Variants in PRPF4 observed in about 807,000 individuals in gnomAD.
The protein encoded by PRPF4 is pre-mRNA splicing tri-snRNP complex factor PRPF4.
A neutral mutation model predicts 72.2 loss-of-function variants in PRPF4; 14 were observed. The observed-to-expected ratio is 0.19, with a 90% CI of 0.13 to 0.30. The LOEUF (loss-of-function observed/expected upper bound fraction) is 0.30. Ranked by LOEUF, PRPF4 falls within the 10% of genes least tolerant of loss-of-function variation. The probability of loss-of-function intolerance (pLI) is 1.00; values close to 1 mark genes in which losing one functional copy is unlikely to be tolerated. For missense variants in PRPF4, 478 were observed against 653.9 expected, an observed-to-expected ratio of 0.73 and a Z score of 2.93; for synonymous variants, 225 against 232.2, an observed-to-expected ratio of 0.97 and a Z score of 0.28.
rs1346962266 is a variant in PRPF4 at position 113,286,777 on chromosome 9, A to G, written c.881A>G (p.Asn294Ser). 3.1e-6 allele frequency: 5 copies of G among 1,614,056 alleles called. No homozygotes were observed. Among genetic ancestry groups the G allele is most frequent in the East Asian group, 2.2e-5 (1 of 44,892 alleles). The stretch of plus-strand genomic sequence containing the variant: ...GTCTCCTTGGACCCAAAAGATGTCA[A>G]CCTGGCCTCTTGTGCGGCTGATGGC... ...STVSLDPKDVNLASCAADGSV... is the reference protein window; with the variant it reads ...STVSLDPKDVSLASCAADGSV... The change falls in exon 9 of 14, where the codon AAC becomes AGC. Residue 294 changes from asparagine (N) to serine (S), a missense_variant. By Grantham distance (46) the Asn-to-Ser change is conservative. Transcript: ENST00000374198.
At chr9:113,281,057 GAACACCTCCTCAAGTGATCCTCTC>G (rs890289763) in intron 3 of PRPF4, among the ~76,000 whole-genome samples, 2 of 151,962 alleles carry the variant, frequency 1.3e-5, no homozygotes, top group African/African-American at 2.4e-5. Flanking sequence ...GCCAGGTGTT[GAACACCTCCTCAAGTGATCCTCTC>G]AACACCTCCT....
In PRPF4 at chr9:113,291,921, T is replaced by C. The variant is rs1832619030; in HGVS notation, c.*261T>C. ...ACTGTGTAGACATTGTTTTTATTAA[T>C]CTTTTGTTTGGCCGGGCGTGGTGGC... On this transcript the variant is annotated 3_prime_UTR_variant, in exon 14 of 14. Transcript: ENST00000374198. 3.4e-6 allele frequency: 1 copy of C among 295,338 alleles called. No individual in the cohort carries two copies. 18.3% of individuals were successfully genotyped at this position (295,338 alleles called of 1,614,324 possible). A position where few individuals can be genotyped will look rare whatever the true frequency, so the allele number is the denominator to read the frequency against.
Position 113,275,683 on chromosome 9 carries a change from G to A in PRPF4, c.-61G>A. ...GCACTTCCCCTCTGCTGGGCGCGCGGTGGACGGTCTGAAAGGGAGTGTTCG... is the reference window on the plus strand; with the variant it reads ...GCACTTCCCCTCTGCTGGGCGCGCGATGGACGGTCTGAAAGGGAGTGTTCG... On this transcript the variant is annotated 5_prime_UTR_variant, in exon 1 of 14. It adds an upstream start codon to the 5' untranslated region. Coordinates refer to ENST00000374198, the MANE Select transcript of PRPF4 (RefSeq NM_001244926.2). 1 of 1,572,918 alleles carries A rather than the reference G, an allele frequency of 6.4e-7. No individual in the cohort carries two copies. Among genetic ancestry groups the A allele is most frequent in the Non-Finnish European group, 8.6e-7 (1 of 1,158,668 alleles).
At chr9:113,286,426 G>A (rs905430738) in intron 8 of PRPF4, 136 bp downstream of exon 8, 104 of 947,308 alleles carry the variant, frequency 1.1e-4, no homozygotes, top group Non-Finnish European at 1.7e-4. Context: ...TTCTCTGGCT[G>A]CAAGACTGGA....
chr9:113,278,348 A>G (rs1282827430), intron 2 of PRPF4, among the ~76,000 whole-genome samples: 1 of 152,234 alleles, frequency 6.6e-6, no homozygotes, highest in Admixed American at 6.5e-5. Flanking sequence ...TTCTAAACAC[A>G]TGCACTGTAG....
chr9:113,276,642 G>A lies in PRPF4; in HGVS notation c.122G>A (p.Arg41His), dbSNP rs1299420214. 3 of 1,614,102 alleles carry A rather than the reference G, an allele frequency of 1.9e-6. No individual in the cohort carries two copies. Among genetic ancestry groups the A allele is most frequent in the African/African-American group, 1.3e-5 (1 of 75,010 alleles). The change falls in exon 2 of 14, where the codon CGT (arginine) becomes CAT (histidine). Residue 41 changes from arginine (R) to histidine (H), a missense_variant. By Grantham distance (29) the Arg-to-His change is conservative (BLOSUM62 0). Transcript: ENST00000374198. ...YGSLEEKERERLAKGESGILG... is the reference protein window; with the variant it reads ...YGSLEEKEREHLAKGESGILG... ...AGTTTGGAAGAGAAGGAGAGGGAGC[G>A]TCTGGCCAAAGGAGAGTCTGGGATT...
rs537713350 is a variant in PRPF4 at position 113,279,298 on chromosome 9, T to C, written c.392+167T>C. On this transcript the variant is annotated intron_variant, in intron 3 of 13. Coordinates refer to ENST00000374198, the MANE Select transcript of PRPF4 (RefSeq NM_001244926.2). ...CCATAATCTGTCTTAGGCCAATTTT[T>C]ACCGCACTATTAATGTTTCTTTTTT... 5.9e-5 allele frequency among the ~76,000 whole-genome samples: 9 copies of C among 152,288 alleles called. No individual in the cohort carries two copies. The East Asian group carries it at 1.7e-3, about 29-fold the overall frequency.
At chr9:113,282,796 T>TTCC in intron 4 of PRPF4, 63 bp downstream of exon 4, 2 of 1,344,358 alleles carry the variant, frequency 1.5e-6, no homozygotes, top group Non-Finnish European at 2.1e-6. Flanking sequence ...GGTCTCTCGT[T>TTCC]TTCTGCTTTC....
intron 7 of PRPF4, among the ~76,000 whole-genome samples, chr9:113,285,533 C>T (rs1455896890): frequency 2.7e-5 from 4 of 150,796 alleles, no homozygotes; most frequent in Non-Finnish European, 3.0e-5. Flanking sequence ...CACCCGCCAC[C>T]GCACCCAGCT....
chr9:113,282,113 A>G (rs1832299316), intron 3 of PRPF4, among the ~76,000 whole-genome samples: 1 of 152,176 alleles, frequency 6.6e-6, no homozygotes, highest in African/African-American at 2.4e-5. Context: ...GAAATTTCCA[A>G]ATAGAGAAGA....
At chr9:113,283,536 G>T in intron 6 of PRPF4, 54 bp downstream of exon 6, 2 of 1,592,232 alleles carry the variant, frequency 1.3e-6, no homozygotes, top group South Asian at 1.1e-5. Context: ...ATGTTTATTT[G>T]ATTTTTCTAC....
chr9:113,285,343 A>ATTT lies in PRPF4; in HGVS notation c.750-838_750-836dup, dbSNP rs71367713. On this transcript the variant is annotated intron_variant, in intron 7 of 13. Coordinates refer to ENST00000374198, the MANE Select transcript of PRPF4 (RefSeq NM_001244926.2). ...CAATAGTGAGACCCTGTCTCTACAA[A>ATTT]TTTTTTTTTTTTTTTTTTTTTTTTT... Among the ~76,000 whole-genome samples the ATTT allele has an allele frequency of 9.0e-4, 61 of 67,572 alleles. 3 individuals are homozygous for ATTT. The highest frequency in any genetic ancestry group is 1.4e-3 in the East Asian group (3 of 2,154). The allele number at this position is 67,572 out of a possible 152,430, so 44.3% of individuals were successfully genotyped here. A position where few individuals can be genotyped will look rare whatever the true frequency, so the allele number is the denominator to read the frequency against.
chr9:113,279,250 T>A lies in PRPF4; in HGVS notation c.392+119T>A, dbSNP rs989601017. ...TGTCTCAAATCATGTTAACAATATC[T>A]TACTGTGTTTATATGAGTTAGCCCA... On this transcript the variant is annotated intron_variant, in intron 3 of 13. Transcript: ENST00000374198. 8 of 941,634 alleles carry A rather than the reference T, an allele frequency of 8.5e-6. No individual in the cohort carries two copies. In the African/African-American group the frequency reaches 1.3e-4, roughly 16 times the overall value. 58.3% of individuals were successfully genotyped at this position (941,634 alleles called of 1,614,324 possible). A position where few individuals can be genotyped will look rare whatever the true frequency, so the allele number is the denominator to read the frequency against.
intron 3 of PRPF4, 56 bp downstream of exon 3, chr9:113,279,187 C>A (rs1832197616): frequency 1.3e-6 from 2 of 1,484,214 alleles, no homozygotes; most frequent in African/African-American, 2.9e-5. Context: ...GGTTCTACTC[C>A]AAATTTTGGT....
At position 113,290,988 on chromosome 9, in the gene PRPF4, G is replaced by A. The variant is rs2118649828; in HGVS notation, c.1344G>A (p.Gln448=). The part of the protein sequence containing the change: ...RRCVYTIPAH[Q]NLVTGVKFEP... ...GCGTCTACACCATCCCTGCTCATCA[G>A]AACTTAGTGACTGGTGTCAAGTTTG... is the stretch of plus-strand genomic sequence containing the variant. Residue 448 remains glutamine, a synonymous_variant, in exon 13 of 14, where the codon CAG becomes CAA. Transcript: ENST00000374198. 3 of 1,614,138 alleles carry A rather than the reference G, an allele frequency of 1.9e-6. No homozygotes were observed. Among genetic ancestry groups the A allele is most frequent in the Non-Finnish European group, 2.5e-6 (3 of 1,179,980 alleles).
Position 113,290,578 on chromosome 9 carries a change from G to T in PRPF4, c.1135G>T (p.Ala379Ser), listed in dbSNP as rs775099091. The change falls in exon 11 of 14, where the codon GCT becomes TCT. Residue 379 changes from alanine (A) to serine (S), a missense_variant. Transcript: ENST00000374198. ...TGCCTTCCATCAAGATGGCTCTTTG[G>T]CTGGCACTGGGTAAGGCTTCTCCCA... Reference protein sequence around the residue: ...DIAFHQDGSLAGTGGLDAFGR... With the variant: ...DIAFHQDGSLSGTGGLDAFGR... 1 of 1,614,026 alleles carries T rather than the reference G, an allele frequency of 6.2e-7. No homozygotes were observed. Among genetic ancestry groups the T allele is most frequent in the Non-Finnish European group, 8.5e-7 (1 of 1,180,038 alleles).
intron 10 of PRPF4, among the ~76,000 whole-genome samples, chr9:113,289,100 T>TA (rs778976945): frequency 1.3e-5 from 2 of 152,236 alleles, no homozygotes; most frequent in Non-Finnish European, 2.9e-5. Flanking sequence ...ACAAATTAAT[T>TA]ATGTCTATTC....
At chr9:113,278,182 ATCTTTCC>A (rs1311581562) in intron 2 of PRPF4, among the ~76,000 whole-genome samples, 2 of 152,246 alleles carry the variant, frequency 1.3e-5, no homozygotes, top group African/African-American at 4.8e-5. Flanking sequence ...CATTGAGGAT[ATCTTTCC>A]ATGTCAGTAA....
At chr9:113,288,122 T>C (rs1588017789) in intron 9 of PRPF4, 53 bp from the exon 10 acceptor site, 1 of 1,550,876 alleles carries the variant, frequency 6.4e-7, no homozygotes, top group East Asian at 2.3e-5. Flanking sequence ...GTAAGCAGTT[T>C]TGTGACTATT....
Sources: allele counts gnomAD v4.1 joint callset (sites outside exome capture counted in the v4.1 genomes callset), GRCh38; gene constraint gnomAD v4.1.1; transcripts MANE v1.5; gene names NCBI Gene and HGNC (gene_info 2026-07-23, HGNC 2026-07-21).